The following ARFGEF3 variants were observed in gnomAD, a reference collection of about 807,000 sequenced individuals.
ARFGEF3 encodes ARFGEF family member 3.
ARFGEF3 carries 96 observed loss-of-function variants against 221.7 expected under a neutral mutation model. That is an observed-to-expected ratio of 0.43 (90% CI 0.37 to 0.51). ARFGEF3 has a LOEUF of 0.51. ARFGEF3 is among the 20% of genes least tolerant of loss of function. The probability of loss-of-function intolerance (pLI) is 0.00; values close to 1 mark genes in which losing one functional copy is unlikely to be tolerated. For synonymous variants in ARFGEF3, 1,145 were observed against 1,126.8 expected (o/e 1.02, Z -0.32); for missense variants, 2,410 against 2,789.9 (o/e 0.86, Z 3.07).
chr6:138,261,802 A>G (rs1326872435), intron 11 of ARFGEF3, among the ~76,000 whole-genome samples, 163 bp downstream of exon 11: 1 of 152,232 alleles, frequency 6.6e-6, no homozygotes, highest in Non-Finnish European at 1.5e-5. Context: ...TCAATTTATT[A>G]TAATCATGGA....
rs1407628987 is a variant in ARFGEF3, at chr6:138,343,112, A to C, written c.*6626A>C. On this transcript the variant is annotated 3_prime_UTR_variant, in exon 34 of 34. Coordinates refer to ENST00000251691, the MANE Select transcript of ARFGEF3 (RefSeq NM_020340.5). ...ACTCATATAGAGGGGGCCTTAGTTT[A>C]TCTCTTCTTTACTGAATTAATTAGT... is the stretch of plus-strand genomic sequence containing the variant. 1 of 152,170 alleles carries C rather than the reference A, an allele frequency of 6.6e-6. No individual in the cohort carries two copies. Among genetic ancestry groups the C allele is most frequent in the East Asian group, 1.9e-4 (1 of 5,194 alleles). 9.4% of individuals were successfully genotyped at this position (152,170 alleles called of 1,614,324 possible).
intron 14 of ARFGEF3, among the ~76,000 whole-genome samples, chr6:138,285,315 G>A (rs1779266639): frequency 6.6e-6 from 1 of 152,094 alleles, no homozygotes; most frequent in African/African-American, 2.4e-5. Flanking sequence ...GCCGGGCATG[G>A]TGGTGGGCAC....
At chr6:138,170,769 C>A in intron 2 of ARFGEF3, 56 bp downstream of exon 2, 1 of 973,384 alleles carries the variant, frequency 1.0e-6, no homozygotes, top group South Asian at 1.3e-5. Flanking sequence ...ACTGAAGGCC[C>A]AGATAACCAC....
At chr6:138,245,705 C>T (rs1778474405) in intron 8 of ARFGEF3, 114 bp downstream of exon 8, 3 of 801,012 alleles carry the variant, frequency 3.7e-6, no homozygotes, top group Non-Finnish European at 6.4e-6. Context: ...ACAATAGTTT[C>T]CCCCCTCCAC....
chr6:138,286,131 T>A (rs1779284488), intron 15 of ARFGEF3, 78 bp downstream of exon 15: 1 of 917,154 alleles, frequency 1.1e-6, no homozygotes, highest in Admixed American at 2.0e-5. Context: ...ATGTGGTGAC[T>A]TGAATCAGGA....
chr6:138,227,910 A>C (rs1230808601), intron 4 of ARFGEF3, among the ~76,000 whole-genome samples: 1 of 152,200 alleles, frequency 6.6e-6, no homozygotes, highest in Non-Finnish European at 1.5e-5. Flanking sequence ...CCACGTGGCA[A>C]AACAAATAGA....
intron 10 of ARFGEF3, 98 bp downstream of exon 10, chr6:138,255,867 C>G: frequency 9.7e-7 from 1 of 1,029,964 alleles, no homozygotes; most frequent in Non-Finnish European, 1.4e-6. Context: ...AATCACTTGC[C>G]GGAACTTCAT....
chr6:138,183,485 G>A (rs1470299239), intron 2 of ARFGEF3, among the ~76,000 whole-genome samples: 2 of 152,096 alleles, frequency 1.3e-5, no homozygotes, highest in African/African-American at 2.4e-5. Context: ...ACATGTTAAC[G>A]TCTGTATCGG....
At position 138,291,657 on chromosome 6, in the gene ARFGEF3, T is replaced by C; in HGVS notation, c.3048-76T>C. On this transcript the variant is annotated intron_variant, in intron 18 of 33. Coordinates refer to ENST00000251691, the MANE Select transcript of ARFGEF3 (RefSeq NM_020340.5). This position sits in a 1 kb window ranked among gnomAD's most constrained non-coding sequence, Gnocchi z 4.5. Reference sequence around the variant, plus strand: ...TGCAGAGCTGGCTGCATTTCCTTTGTCTGGCACTGTGGGGTTTATGGAGCT... The same window carrying C: ...TGCAGAGCTGGCTGCATTTCCTTTGCCTGGCACTGTGGGGTTTATGGAGCT... 1 of 1,089,026 alleles carries C rather than the reference T, an allele frequency of 9.2e-7. No homozygotes were observed. Among genetic ancestry groups the C allele is most frequent in the Admixed American group, 4.0e-5 (1 of 25,090 alleles). The allele number at this position is 1,089,026 out of a possible 1,614,324, so 67.5% of individuals were successfully genotyped here.
chr6:138,212,013 C>T (rs892650697), intron 4 of ARFGEF3, among the ~76,000 whole-genome samples: 1 of 152,154 alleles, frequency 6.6e-6, no homozygotes, highest in Admixed American at 6.5e-5. Context: ...TCAGTCTTTA[C>T]AATGAGATTT....
chr6:138,303,335 G>T (rs922471055), intron 22 of ARFGEF3, among the ~76,000 whole-genome samples: 1 of 152,112 alleles, frequency 6.6e-6, no homozygotes, highest in Non-Finnish European at 1.5e-5. Context: ...GGAACAAAAA[G>T]GATGTGATAT....
At chr6:138,190,109 A>G (rs949671884) in intron 2 of ARFGEF3, among the ~76,000 whole-genome samples, 6 of 139,026 alleles carry the variant, frequency 4.3e-5, no homozygotes, top group Admixed American at 2.1e-4. Context: ...AAATAAAAAT[A>G]AAAAGAGTAG....
chr6:138,184,659 T>C (rs1777148043), intron 2 of ARFGEF3, among the ~76,000 whole-genome samples: 1 of 152,236 alleles, frequency 6.6e-6, no homozygotes, highest in Admixed American at 6.5e-5. Context: ...ACTATGGCAG[T>C]CTTAAGTGTT....
At position 138,342,391 on chromosome 6, in the gene ARFGEF3, T is replaced by G. The variant is rs1780444589; in HGVS notation, c.*5905T>G. ...CGCTAGAGAAAAACTGAATCTACCC[T>G]TGGGCAGATGACTTGGGATTGGATT... On this transcript the variant is annotated 3_prime_UTR_variant, in exon 34 of 34. Coordinates refer to ENST00000251691, the MANE Select transcript of ARFGEF3 (RefSeq NM_020340.5). 1 of 152,194 alleles carries G rather than the reference T, an allele frequency of 6.6e-6. No homozygotes were observed. Among genetic ancestry groups the G allele is most frequent in the South Asian group, 2.1e-4 (1 of 4,832 alleles). The allele number at this position is 152,194 out of a possible 1,614,324, so 9.4% of individuals were successfully genotyped here.
rs894965031 is a variant in ARFGEF3 at position 138,202,069 on chromosome 6, C to T, written c.138-4973C>T. ...TGCATATGCAGCACTGCTAATTATT[C>T]TTCTTTAAGAAATAATGGCATGTCA... is the stretch of plus-strand genomic sequence containing the variant. On this transcript the variant is annotated intron_variant, in intron 2 of 33. Transcript: ENST00000251691. Among the ~76,000 whole-genome samples, 4 of 152,288 alleles carry T rather than the reference C, an allele frequency of 2.6e-5. 1 individual carries two copies. In the South Asian group the frequency reaches 8.3e-4, roughly 32 times the overall value.
chr6:138,286,880 G>A lies in ARFGEF3; in HGVS notation c.2749G>A (p.Gly917Arg), dbSNP rs200197503. The A allele has an allele frequency of 1.2e-6, 2 of 1,613,462 alleles. No individual in the cohort carries two copies. The highest frequency in any genetic ancestry group is 1.1e-5 in the South Asian group (1 of 91,052). Residue 917 changes from glycine (G) to arginine (R), a missense_variant, in exon 16 of 34, where the codon GGG becomes AGG. Physicochemically the swap from Gly to Arg is moderately radical, Grantham distance 125 (BLOSUM62 -2). This residue lies in a region of ARFGEF3 where 594 missense variants were observed against 734.3 expected (regional missense o/e 0.81). Coordinates refer to ENST00000251691, the MANE Select transcript of ARFGEF3 (RefSeq NM_020340.5). ...ERDAICMSLD[G>R]LRKAARLSCA... ...GGACGCCATCTGCATGAGCCTCGACGGGCTGCGGAAAGCCGCACGGCTGAG... is the reference window on the plus strand; with the variant it reads ...GGACGCCATCTGCATGAGCCTCGACAGGCTGCGGAAAGCCGCACGGCTGAG...
At chr6:138,175,826 A>C (rs1327218206) in intron 2 of ARFGEF3, among the ~76,000 whole-genome samples, 1 of 152,184 alleles carries the variant, frequency 6.6e-6, no homozygotes, top group African/African-American at 2.4e-5. Context: ...CAACGTGTCT[A>C]ATGCTGTGAG....
intron 2 of ARFGEF3, among the ~76,000 whole-genome samples, chr6:138,183,000 A>T (rs1777109099): frequency 1.3e-5 from 2 of 152,176 alleles, no homozygotes. Flanking sequence ...TATTTTATAA[A>T]TCCTATTTTG....
At chr6:138,295,640 AGAAAG>A (rs1381152830) in intron 20 of ARFGEF3, among the ~76,000 whole-genome samples, 1 of 145,192 alleles carries the variant, frequency 6.9e-6, no homozygotes, top group Non-Finnish European at 1.5e-5. Flanking sequence ...AAAAAAAAAA[AGAAAG>A]AAAGAAAATA....
Sources: gnomAD v4.1 joint callset for allele counts (sites outside exome capture counted in the v4.1 genomes callset) on GRCh38, gnomAD v4.1.1 for gene constraint, gnomAD v4.1.1 regional missense constraint, Gnocchi (gnomAD v3.1) non-coding constraint, MANE v1.5 for transcripts, NCBI Gene and HGNC (gene_info 2026-07-23, HGNC 2026-07-21) for gene names.